The following OPCML variants were observed in gnomAD, a reference collection of about 807,000 sequenced individuals.
The protein encoded by OPCML is opioid-binding protein/cell adhesion molecule.
In OPCML, 13 loss-of-function variants were observed where a neutral mutation model predicts 37.8. The ratio of observed to expected loss-of-function variants is 0.34; its 90% CI spans 0.22 to 0.55. The LOEUF (loss-of-function observed/expected upper bound fraction) is 0.55, where lower values mean the gene tolerates loss of function less well. OPCML is among the 20% of genes least tolerant of loss of function. The pLI is 0.91. For missense variants in OPCML, 341 were observed against 435.6 expected, an observed-to-expected ratio of 0.78 and a Z score of 1.93; for synonymous variants, 176 against 168.8, an observed-to-expected ratio of 1.04 and a Z score of -0.33.
chr11:133,006,488 T>A (rs761737781), intron 1 of OPCML: 4 of 985,396 alleles, frequency 4.1e-6, no homozygotes, highest in Non-Finnish European at 4.8e-6. Flanking sequence ...GAAAGTTTTA[T>A]CTCCTTAATC....
chr11:132,781,952 ATATTT>A (rs1487816477), intron 2 of OPCML, among the ~76,000 whole-genome samples: 11 of 60,374 alleles, frequency 1.8e-4, no homozygotes, highest in African/African-American at 7.7e-4. Context: ...ATATATATAT[ATATTT>A]TTTTTTTTTT....
intron 1 of OPCML, among the ~76,000 whole-genome samples, chr11:133,522,589 A>G (rs2120710254): frequency 6.6e-6 from 1 of 152,336 alleles, no homozygotes; most frequent in East Asian, 1.9e-4. Flanking sequence ...TCAAGGGAAC[A>G]CAGTAATGGT....
At position 133,201,911 on chromosome 11, in the gene OPCML, A is replaced by G. The variant is rs563172939; in HGVS notation, c.62-258901T>C. ...TTCATGCCATCCATTCATTCAATCA[A>G]TGGTTTTTTATTGTTTATTAATTAC... On this transcript the variant is annotated intron_variant, in intron 1 of 7. Transcript: ENST00000524381. Among the ~76,000 whole-genome samples the G allele has an allele frequency of 3.3e-4, 50 of 152,254 alleles. No homozygotes were observed. In the South Asian group the frequency reaches 8.9e-3, roughly 27 times the overall value.
intron 1 of OPCML, among the ~76,000 whole-genome samples, chr11:133,260,026 A>T (rs151327646): frequency 4.6e-5 from 7 of 152,266 alleles, no homozygotes; most frequent in African/African-American, 1.4e-4. Flanking sequence ...AAACCAAGAA[A>T]GGGAGATGGG....
intron 2 of OPCML, among the ~76,000 whole-genome samples, chr11:132,918,742 T>G (rs148762321): frequency 6.6e-6 from 1 of 152,286 alleles, no homozygotes; most frequent in African/African-American, 2.4e-5. Context: ...TATAGAGGTG[T>G]CTATTTCACA....
intron 4 of OPCML, among the ~76,000 whole-genome samples, chr11:132,483,430 T>C (rs985951127): frequency 6.6e-6 from 1 of 152,108 alleles, no homozygotes; most frequent in Non-Finnish European, 1.5e-5. Context: ...TACAAACAAA[T>C]GGAAGAACAT....
At chr11:133,465,921 C>T (rs1946968019) in intron 1 of OPCML, among the ~76,000 whole-genome samples, 1 of 152,194 alleles carries the variant, frequency 6.6e-6, no homozygotes, top group African/African-American at 2.4e-5. Flanking sequence ...TGAGTTCAAG[C>T]ATAAATGTTT....
At chr11:133,231,638 A>T (rs986374914) in intron 1 of OPCML, among the ~76,000 whole-genome samples, 3 of 152,164 alleles carry the variant, frequency 2.0e-5, no homozygotes, top group Admixed American at 6.5e-5. Flanking sequence ...CACAAGCAGT[A>T]ATTGAGACCT....
intron 3 of OPCML, among the ~76,000 whole-genome samples, chr11:132,596,443 T>A (rs568668508): frequency 6.6e-6 from 1 of 152,292 alleles, no homozygotes; most frequent in African/African-American, 2.4e-5. Context: ...AGACAAAACA[T>A]CTCTTAATTT....
At chr11:132,866,775 C>A (rs534265539) in intron 2 of OPCML, among the ~76,000 whole-genome samples, 2 of 152,288 alleles carry the variant, frequency 1.3e-5, no homozygotes, top group African/African-American at 4.8e-5. Context: ...GATTTCAATA[C>A]CCTTGATTCA....
intron 2 of OPCML, among the ~76,000 whole-genome samples, chr11:132,781,087 A>C (rs1946993322): frequency 6.6e-6 from 1 of 152,194 alleles, no homozygotes; most frequent in Non-Finnish European, 1.5e-5. Context: ...ACATCAAAAT[A>C]GGGCCCAAGA....
At chr11:133,253,039 G>C (rs911482979) in intron 1 of OPCML, among the ~76,000 whole-genome samples, 1 of 151,674 alleles carries the variant, frequency 6.6e-6, no homozygotes, top group Non-Finnish European at 1.5e-5. Context: ...CCAGCTACTC[G>C]GGAGGCTGAG....
At position 132,420,058 on chromosome 11, in the gene OPCML, A is replaced by G; in HGVS notation, c.*135T>C. ...AATAAAAGCAAACAAACAAATAAAC[A>G]AAAACAAAAAGAAAACAAATCTAGA... On this transcript the variant is annotated 3_prime_UTR_variant, in exon 8 of 8. Coordinates refer to ENST00000524381, the MANE Select transcript of OPCML (RefSeq NM_001012393.5). 1.4e-6 allele frequency: 1 copy of G among 714,568 alleles called. No homozygotes were observed. Among genetic ancestry groups the G allele is most frequent in the Middle Eastern group, 2.7e-4 (1 of 3,656 alleles). The allele number at this position is 714,568 out of a possible 1,614,324, so 44.3% of individuals were successfully genotyped here. A position where few individuals can be genotyped will look rare whatever the true frequency, so the allele number is the denominator to read the frequency against.
chr11:132,983,962 T>G (rs1946639305), intron 1 of OPCML, among the ~76,000 whole-genome samples: 1 of 152,206 alleles, frequency 6.6e-6, no homozygotes, highest in African/African-American at 2.4e-5. Context: ...TCCATTGAGT[T>G]TACTATTGTC....
intron 4 of OPCML, among the ~76,000 whole-genome samples, chr11:132,465,923 C>T (rs1201603785): frequency 1.3e-5 from 2 of 152,242 alleles, no homozygotes; most frequent in African/African-American, 4.8e-5. Flanking sequence ...AGTTGAGAAA[C>T]TAAAAGGGAT....
intron 2 of OPCML, among the ~76,000 whole-genome samples, chr11:132,927,833 A>G (rs1050350374): frequency 6.6e-6 from 1 of 152,088 alleles, no homozygotes; most frequent in Admixed American, 6.6e-5. Flanking sequence ...GGGGGATCCA[A>G]GCTGTCCAGG....
chr11:132,826,104 G>A (rs1940314845), intron 2 of OPCML, among the ~76,000 whole-genome samples: 1 of 152,164 alleles, frequency 6.6e-6, no homozygotes, highest in South Asian at 2.1e-4. Context: ...GTCCATCTCT[G>A]TGAAGAGTCT....
At position 132,603,444 on chromosome 11, in the gene OPCML, C is replaced by G. The variant is rs146010861; in HGVS notation, c.379+53643G>C. Among the ~76,000 whole-genome samples, 36 of 152,292 alleles carry G rather than the reference C, an allele frequency of 2.4e-4. No individual in the cohort carries two copies. In the East Asian group the frequency reaches 7.0e-3, roughly 29 times the overall value. On this transcript the variant is annotated intron_variant, in intron 3 of 7. Transcript: ENST00000524381. The stretch of plus-strand genomic sequence containing the variant: ...AAGCAATTTCATCTCCAAAAGAGTT[C>G]TTAAATCCATACATTATTCTGTATC...
intron 7 of OPCML, among the ~76,000 whole-genome samples, chr11:132,429,420 A>G (rs1241631399): frequency 6.6e-6 from 1 of 152,188 alleles, no homozygotes; most frequent in Non-Finnish European, 1.5e-5. Flanking sequence ...GAGATGGAGA[A>G]GTCAGAGGAA....
Sources: gnomAD v4.1 joint callset for allele counts (sites outside exome capture counted in the v4.1 genomes callset) on GRCh38, gnomAD v4.1.1 for gene constraint, MANE v1.5 for transcripts, NCBI Gene and HGNC (gene_info 2026-07-23, HGNC 2026-07-21) for gene names.